The following TSPYL5 variants were observed in gnomAD, a reference collection of about 807,000 sequenced individuals.
TSPYL5 encodes testis-specific Y-encoded-like protein 5.
For missense variants in TSPYL5, 556 were observed against 555.5 expected (o/e 1.00, Z -0.01); for synonymous variants, 276 against 236.1 (o/e 1.17, Z -1.55).
At position 97,277,211 on chromosome 8, in the gene TSPYL5, G is replaced by A. The variant is rs1810537311; in HGVS notation, c.634C>T (p.Leu212=). 1 of 1,613,344 alleles carries A rather than the reference G, an allele frequency of 6.2e-7. No individual in the cohort carries two copies. Among genetic ancestry groups the A allele is most frequent in the African/African-American group, 1.3e-5 (1 of 75,020 alleles). The change falls in exon 1 of 1, where the codon CTG becomes TTG. Residue 212 remains leucine (L), a synonymous_variant. Transcript: ENST00000322128. The surrounding 1 kb of genome is among the most constrained non-coding windows in gnomAD (Gnocchi z 4.5). ...MDTLENVQLK[L]ENMNAQADRA... ...TCCGCCTGGGCGTTCATGTTCTCCAGCTTCAGCTGCACGTTCTCCAGCGTA... is the reference window on the plus strand; with the variant it reads ...TCCGCCTGGGCGTTCATGTTCTCCAACTTCAGCTGCACGTTCTCCAGCGTA...
Position 97,277,927 on chromosome 8 carries a change from C to T in TSPYL5, c.-83G>A, listed in dbSNP as rs774556254. 2 of 1,281,090 alleles carry T rather than the reference C, an allele frequency of 1.6e-6. No individual in the cohort carries two copies. The highest frequency in any genetic ancestry group is 2.0e-6 in the Non-Finnish European group (2 of 1,010,712). 79.4% of individuals were successfully genotyped at this position (1,281,090 alleles called of 1,614,324 possible). On this transcript the variant is annotated 5_prime_UTR_variant, in exon 1 of 1. Transcript: ENST00000322128. This position sits in a 1 kb window ranked among gnomAD's most constrained non-coding sequence, Gnocchi z 4.5. ...CTCTCGGTCGGGACCGAGCGGGTCT[C>T]TCCACGGCAACCGCCGACGTCACGA...
In TSPYL5 at chr8:97,276,333, T is replaced by C; in HGVS notation, c.*258A>G. On this transcript the variant is annotated 3_prime_UTR_variant, in exon 1 of 1. Coordinates refer to ENST00000322128, the MANE Select transcript of TSPYL5 (RefSeq NM_033512.3). ...AAGAACAAGGTCCAGGCAATGTAGA[T>C]AACAGGGAGCACACATCTAAAGTAT... 1 of 427,678 alleles carries C rather than the reference T, an allele frequency of 2.3e-6. No individual in the cohort carries two copies. Among genetic ancestry groups the C allele is most frequent in the East Asian group, 3.9e-5 (1 of 25,746 alleles). The allele number at this position is 427,678 out of a possible 1,614,324, so 26.5% of individuals were successfully genotyped here. A position where few individuals can be genotyped will look rare whatever the true frequency, so the allele number is the denominator to read the frequency against.
In TSPYL5 at chr8:97,277,489, T is replaced by C. The variant is rs1810545336; in HGVS notation, c.356A>G (p.Asp119Gly). The change falls in exon 1 of 1, where the codon GAC becomes GGC. Residue 119 changes from aspartate (D) to glycine (G), a missense_variant. By Grantham distance (94) the Asp-to-Gly change is moderately conservative. Coordinates refer to ENST00000322128, the MANE Select transcript of TSPYL5 (RefSeq NM_033512.3). The surrounding 1 kb of genome is among the most constrained non-coding windows in gnomAD (Gnocchi z 4.5). ...TCCCGCTGTTCCCACGAAGACAGTG[T>C]CTGCGGCCAGGCGCTCCGAGAGAGA... ...AASLSERLAA[D>G]TVFVGTAGTV... 5.3e-6 allele frequency: 8 copies of C among 1,522,110 alleles called. No homozygotes were observed. The highest frequency in any genetic ancestry group is 6.2e-6 in the Non-Finnish European group (7 of 1,137,470). 94.3% of individuals were successfully genotyped at this position (1,522,110 alleles called of 1,614,324 possible).
rs1586069762 is a variant in TSPYL5, at chr8:97,276,002, C to T, written c.*589G>A. On this transcript the variant is annotated 3_prime_UTR_variant, in exon 1 of 1. Coordinates refer to ENST00000322128, the MANE Select transcript of TSPYL5 (RefSeq NM_033512.3). ...TGCCCAGCAGTCAAGTGCCATTCTGCAGAACATCAAGCAGGATGGGTATCA... is the reference window on the plus strand; with the variant it reads ...TGCCCAGCAGTCAAGTGCCATTCTGTAGAACATCAAGCAGGATGGGTATCA... The T allele has an allele frequency of 1.3e-5, 2 of 153,418 alleles. No homozygotes were observed. The highest frequency in any genetic ancestry group is 4.8e-5 in the African/African-American group (2 of 41,442). The allele number at this position is 153,418 out of a possible 1,614,324, so 9.5% of individuals were successfully genotyped here. A position where few individuals can be genotyped will look rare whatever the true frequency, so the allele number is the denominator to read the frequency against.
Position 97,274,303 on chromosome 8 carries a change from G to A in TSPYL5, c.*2288C>T, listed in dbSNP as rs531253030. On this transcript the variant is annotated 3_prime_UTR_variant, in exon 1 of 1. Coordinates refer to ENST00000322128, the MANE Select transcript of TSPYL5 (RefSeq NM_033512.3). The stretch of plus-strand genomic sequence containing the variant: ...CCATTAGACTAAAATGGGGAAAGTC[G>A]TAAGACTTTAAAGGCAAAATGTGCA... The A allele has an allele frequency of 2.0e-5, 3 of 151,908 alleles. No individual in the cohort carries two copies. Among genetic ancestry groups the A allele is most frequent in the African/African-American group, 4.8e-5 (2 of 41,354 alleles). The allele number at this position is 151,908 out of a possible 1,614,324, so 9.4% of individuals were successfully genotyped here.
rs756631642 is a variant in TSPYL5 at position 97,276,699 on chromosome 8, A to C, written c.1146T>G (p.Leu382=). ...TCTCTACACGAGCCCCTTCACTCAA[A>C]AGGTAGAACTGCAAGGGATTGGGCC... ...ELWPNPLQFY[L]LSEGARVEKG... is the part of the protein sequence containing the mutation. Residue 382 remains leucine (L), a synonymous_variant, in exon 1 of 1, where the codon CTT becomes CTG. Coordinates refer to ENST00000322128, the MANE Select transcript of TSPYL5 (RefSeq NM_033512.3). 6.2e-7 allele frequency: 1 copy of C among 1,614,012 alleles called. No individual in the cohort carries two copies.
Position 97,276,144 on chromosome 8 carries a change from C to T in TSPYL5, c.*447G>A, listed in dbSNP as rs534475439. The stretch of plus-strand genomic sequence containing the variant: ...TACCATGTGCACTGGCTTCATTCTG[C>T]AGTGGCAATGGAAACGCTTGCATAG... On this transcript the variant is annotated 3_prime_UTR_variant, in exon 1 of 1. Transcript: ENST00000322128. The T allele has an allele frequency of 7.2e-5, 12 of 167,370 alleles. No homozygotes were observed. The South Asian group carries it at 1.3e-3, about 18-fold the overall frequency. 10.4% of individuals were successfully genotyped at this position (167,370 alleles called of 1,614,324 possible).
At position 97,275,681 on chromosome 8, in the gene TSPYL5, T is replaced by C. The variant is rs1040706778; in HGVS notation, c.*910A>G. The C allele has an allele frequency of 1.3e-5, 2 of 152,290 alleles. No individual in the cohort carries two copies. Among genetic ancestry groups the C allele is most frequent in the African/African-American group, 4.8e-5 (2 of 41,412 alleles). The allele number at this position is 152,290 out of a possible 1,614,324, so 9.4% of individuals were successfully genotyped here. ...ATGACAGTGAACACATGTCCACACA[T>C]ACCAGCCCGCCCATCAGTCTGGCAG... On this transcript the variant is annotated 3_prime_UTR_variant, in exon 1 of 1. Transcript: ENST00000322128.
At position 97,277,495 on chromosome 8, in the gene TSPYL5, G is replaced by T. The variant is rs1172013815; in HGVS notation, c.350C>A (p.Ala117Asp). Residue 117 changes from alanine to aspartate, a missense_variant, in exon 1 of 1, where the codon GCC (alanine) becomes GAC (aspartate). By Grantham distance (126) the Ala-to-Asp change is moderately radical (BLOSUM62 -2). Transcript: ENST00000322128. The surrounding 1 kb of genome is among the most constrained non-coding windows in gnomAD (Gnocchi z 4.5). ...GKAASLSERLAADTVFVGTAG... is the reference protein window; with the variant it reads ...GKAASLSERLDADTVFVGTAG... ...TGTTCCCACGAAGACAGTGTCTGCG[G>T]CCAGGCGCTCCGAGAGAGATGCGGC... The T allele has an allele frequency of 6.6e-7, 1 of 1,521,354 alleles. No individual in the cohort carries two copies. Among genetic ancestry groups the T allele is most frequent in the Non-Finnish European group, 8.8e-7 (1 of 1,137,024 alleles). 94.2% of individuals were successfully genotyped at this position (1,521,354 alleles called of 1,614,324 possible).
rs752187982 is a variant in TSPYL5, at chr8:97,277,163, T to G, written c.682A>C (p.Arg228=). The G allele has an allele frequency of 5.9e-5, 95 of 1,611,282 alleles. No homozygotes were observed. The highest frequency in any genetic ancestry group is 7.7e-5 in the Non-Finnish European group (91 of 1,180,022). Residue 228 remains arginine (R), a synonymous_variant, in exon 1 of 1, where the codon AGG becomes CGG. Transcript: ENST00000322128. This position sits in a 1 kb window ranked among gnomAD's most constrained non-coding sequence, Gnocchi z 4.5. ...QADRAYLRLS[R]KFGQLRLQHL... The stretch of plus-strand genomic sequence containing the variant: ...TGCAGTCGCAACTGCCCAAACTTCC[T>G]GGAGAGCCGAAGGTAGGCCCTGTCC...
rs1365948363 is a variant in TSPYL5, at chr8:97,274,909, A to G, written c.*1682T>C. On this transcript the variant is annotated 3_prime_UTR_variant, in exon 1 of 1. Transcript: ENST00000322128. ...CCCCAGGAGAAGCTTGAGATGCTCC[A>G]TATTGGAGACTAAAGCCCACTCCTG... 6.6e-6 allele frequency: 1 copy of G among 152,406 alleles called. No individual in the cohort carries two copies. The highest frequency in any genetic ancestry group is 1.5e-5 in the Non-Finnish European group (1 of 68,050). The allele number at this position is 152,406 out of a possible 1,614,324, so 9.4% of individuals were successfully genotyped here.
chr8:97,274,706 T>C lies in TSPYL5; in HGVS notation c.*1885A>G, dbSNP rs1485260616. ...CTACAGCTTTAAGCCAAGGACTCTC[T>C]TGAGGAACTTAGAATGAGGCCTCCC... On this transcript the variant is annotated 3_prime_UTR_variant, in exon 1 of 1. Coordinates refer to ENST00000322128, the MANE Select transcript of TSPYL5 (RefSeq NM_033512.3). 1.3e-5 allele frequency: 2 copies of C among 152,170 alleles called. No individual in the cohort carries two copies. The highest frequency in any genetic ancestry group is 4.8e-5 in the African/African-American group (2 of 41,410). 9.4% of individuals were successfully genotyped at this position (152,170 alleles called of 1,614,324 possible).
At position 97,277,244 on chromosome 8, in the gene TSPYL5, T is replaced by C. The variant is rs1387201812; in HGVS notation, c.601A>G (p.Ser201Gly). 1.2e-6 allele frequency: 2 copies of C among 1,613,860 alleles called. No individual in the cohort carries two copies. The highest frequency in any genetic ancestry group is 2.2e-5 in the East Asian group (1 of 44,864). ...AGSGPPATEG[S>G]MDTLENVQLK... is the part of the protein sequence containing the mutation. The stretch of plus-strand genomic sequence containing the variant: ...TGCACGTTCTCCAGCGTATCCATGC[T>C]GCCTTCCGTCGCTGGGGGCCCCGAC... The change falls in exon 1 of 1, where the codon AGC (serine) becomes GGC (glycine). Residue 201 changes from serine (S) to glycine (G), a missense_variant. By Grantham distance (56) the Ser-to-Gly change is moderately conservative. Transcript: ENST00000322128. This position sits in a 1 kb window ranked among gnomAD's most constrained non-coding sequence, Gnocchi z 4.5.
Position 97,277,215 on chromosome 8 carries a change from C to G in TSPYL5, c.630G>C (p.Leu210=), listed in dbSNP as rs746484654. 1.2e-6 allele frequency: 2 copies of G among 1,613,560 alleles called. No individual in the cohort carries two copies. Among genetic ancestry groups the G allele is most frequent in the East Asian group, 4.5e-5 (2 of 44,844 alleles). The stretch of plus-strand genomic sequence containing the variant: ...CCTGGGCGTTCATGTTCTCCAGCTT[C>G]AGCTGCACGTTCTCCAGCGTATCCA... ...GSMDTLENVQ[L]KLENMNAQAD... Residue 210 remains leucine, a synonymous_variant, in exon 1 of 1, where the codon CTG becomes CTC. Coordinates refer to ENST00000322128, the MANE Select transcript of TSPYL5 (RefSeq NM_033512.3). This position sits in a 1 kb window ranked among gnomAD's most constrained non-coding sequence, Gnocchi z 4.5.
In TSPYL5 at chr8:97,275,800, T is replaced by C. The variant is rs1810503436; in HGVS notation, c.*791A>G. The C allele has an allele frequency of 6.6e-6, 1 of 152,218 alleles. No homozygotes were observed. Among genetic ancestry groups the C allele is most frequent in the African/African-American group, 2.4e-5 (1 of 41,406 alleles). 9.4% of individuals were successfully genotyped at this position (152,218 alleles called of 1,614,324 possible). The stretch of plus-strand genomic sequence containing the variant: ...CACAGGCAGTTCTTGAGGTCCTTGT[T>C]GACCAGGAAGCCAACTGGGGCTGAC... On this transcript the variant is annotated 3_prime_UTR_variant, in exon 1 of 1. Coordinates refer to ENST00000322128, the MANE Select transcript of TSPYL5 (RefSeq NM_033512.3).
Position 97,276,915 on chromosome 8 carries a change from G to A in TSPYL5, c.930C>T (p.Ile310=). ...CAGAAGGACCACACCCATATTCCTT[G>A]ATGAGCACCTTATTTTGGAAATACG... is the stretch of plus-strand genomic sequence containing the variant. ...RNPYFQNKVL[I]KEYGCGPSGQ... Residue 310 remains isoleucine (I), a synonymous_variant, in exon 1 of 1, where the codon ATC becomes ATT. Transcript: ENST00000322128. 2 of 1,614,158 alleles carry A rather than the reference G, an allele frequency of 1.2e-6. No individual in the cohort carries two copies.
In TSPYL5 at chr8:97,277,784, C is replaced by A. The variant is rs79679520; in HGVS notation, c.61G>T (p.Ala21Ser). ...SRAKNRGKGR[A>S]KARVRPAPDD... ...GGAGCAGGGCGGACTCGGGCTTTGG[C>A]GCGGCCTTTGCCCCGGTTTTTGGCG... Residue 21 changes from alanine to serine, a missense_variant, in exon 1 of 1, where the codon GCC becomes TCC. By Grantham distance (99) the Ala-to-Ser change is moderately conservative. Coordinates refer to ENST00000322128, the MANE Select transcript of TSPYL5 (RefSeq NM_033512.3). The surrounding 1 kb of genome is among the most constrained non-coding windows in gnomAD (Gnocchi z 4.5). The A allele has an allele frequency of 3.0e-3, 4,442 of 1,502,642 alleles. 13 individuals are homozygous for A. The highest frequency in any genetic ancestry group is 3.4e-3 in the Non-Finnish European group (3,832 of 1,131,562). The allele number at this position is 1,502,642 out of a possible 1,614,324, so 93.1% of individuals were successfully genotyped here. A position where few individuals can be genotyped will look rare whatever the true frequency, so the allele number is the denominator to read the frequency against.
chr8:97,277,089 C>G lies in TSPYL5; in HGVS notation c.756G>C (p.Trp252Cys), dbSNP rs757180155. 2 of 1,612,888 alleles carry G rather than the reference C, an allele frequency of 1.2e-6. No homozygotes were observed. ...GGGGATGGTTCTGAAATGCTTGCCC[C>G]CAGAAGCCCGGGATATTTTGGATGA... ...NHLIQNIPGF[W>C]GQAFQNHPQL... Residue 252 changes from tryptophan to cysteine, a missense_variant, in exon 1 of 1, where the codon TGG becomes TGC. Trp to Cys is a radical substitution (Grantham distance 215, BLOSUM62 -2). Coordinates refer to ENST00000322128, the MANE Select transcript of TSPYL5 (RefSeq NM_033512.3). This position sits in a 1 kb window ranked among gnomAD's most constrained non-coding sequence, Gnocchi z 4.5.
In TSPYL5 at chr8:97,274,816, TCTG is replaced by T. The variant is rs1810486722; in HGVS notation, c.*1772_*1774del. 6.6e-6 allele frequency: 1 copy of T among 152,204 alleles called. No homozygotes were observed. Among genetic ancestry groups the T allele is most frequent in the African/African-American group, 2.4e-5 (1 of 41,438 alleles). 9.4% of individuals were successfully genotyped at this position (152,204 alleles called of 1,614,324 possible). A position where few individuals can be genotyped will look rare whatever the true frequency, so the allele number is the denominator to read the frequency against. ...GGGATAAGAGAGGGAAAGGCCCAGCTCTGCTTTTACACCCACTGGAAATAACCC... is the reference window on the plus strand; with the variant it reads ...GGGATAAGAGAGGGAAAGGCCCAGCTCTTTTACACCCACTGGAAATAACCC... On this transcript the variant is annotated 3_prime_UTR_variant, in exon 1 of 1. Coordinates refer to ENST00000322128, the MANE Select transcript of TSPYL5 (RefSeq NM_033512.3).
Sources: gnomAD v4.1 joint callset for allele counts on GRCh38, gnomAD v4.1.1 for gene constraint, Gnocchi (gnomAD v3.1) non-coding constraint, MANE v1.5 for transcripts, NCBI Gene and HGNC (gene_info 2026-07-23, HGNC 2026-07-21) for gene names.